Variants in BTBD9 observed in about 807,000 individuals in gnomAD.
BTBD9 encodes the protein BTB/POZ domain-containing protein 9.
In BTBD9, 49 loss-of-function variants were observed where a neutral mutation model predicts 64.3. The ratio of observed to expected loss-of-function variants is 0.76; its 90% CI spans 0.61 to 0.97. The LOEUF is 0.97. Ranked by LOEUF, BTBD9 falls within the 50% of genes least tolerant of loss-of-function variation. The pLI is 0.00. For synonymous variants in BTBD9, 260 were observed against 274.7 expected, an observed-to-expected ratio of 0.95 and a Z score of 0.53; for missense variants, 598 against 762.1, an observed-to-expected ratio of 0.78 and a Z score of 2.53.
chr6:38,563,983 C>T (rs183125204), intron 6 of BTBD9, among the ~76,000 whole-genome samples: 33 of 151,918 alleles, frequency 2.2e-4, no homozygotes, highest in East Asian at 1.2e-3. Context: ...GGGGTTTCAC[C>T]GTGTTAGCCA....
At chr6:38,592,434 GAC>G in intron 4 of BTBD9, 140 bp downstream of exon 4, 1 of 889,636 alleles carries the variant, frequency 1.1e-6, no homozygotes, top group Non-Finnish European at 1.7e-6. Context: ...GAAAGGGAAA[GAC>G]ATTCCATAGG....
At chr6:38,392,118 T>C (rs1766444732) in intron 6 of BTBD9, among the ~76,000 whole-genome samples, 1 of 152,144 alleles carries the variant, frequency 6.6e-6, no homozygotes. Flanking sequence ...TCTGAGTTTC[T>C]GGAGCAAAGT....
chr6:38,444,194 G>A (rs563927439), intron 6 of BTBD9, among the ~76,000 whole-genome samples: 10 of 152,322 alleles, frequency 6.6e-5, no homozygotes, highest in African/African-American at 1.2e-4. Context: ...TTCATTGGAC[G>A]TTTTGTGCTT....
chr6:38,405,196 G>C (rs1338616714), intron 6 of BTBD9, among the ~76,000 whole-genome samples: 2 of 152,168 alleles, frequency 1.3e-5, no homozygotes, highest in Non-Finnish European at 2.9e-5. Context: ...ATCTGAGGAA[G>C]GGCCTGATCC....
At chr6:38,486,744 C>A (rs1292321637) in intron 6 of BTBD9, among the ~76,000 whole-genome samples, 1 of 152,092 alleles carries the variant, frequency 6.6e-6, no homozygotes, top group Non-Finnish European at 1.5e-5. Context: ...TGAGAATTAC[C>A]AAAATGTGAC....
chr6:38,248,983 C>T (rs965150999), intron 9 of BTBD9, among the ~76,000 whole-genome samples: 4 of 151,974 alleles, frequency 2.6e-5, no homozygotes, highest in African/African-American at 7.3e-5. Flanking sequence ...TTGAGACTAC[C>T]GAGGTGAAGA....
intron 4 of BTBD9, among the ~76,000 whole-genome samples, chr6:38,581,515 T>A (rs150007991): frequency 2.0e-5 from 3 of 152,336 alleles, no homozygotes; most frequent in Admixed American, 6.5e-5. Flanking sequence ...ACATTAGATT[T>A]ATTAACCACC....
Position 38,220,754 on chromosome 6 carries a change from A to C in BTBD9, c.1563-28157T>G, listed in dbSNP as rs372942268. Among the ~76,000 whole-genome samples the C allele has an allele frequency of 1.5e-4, 23 of 152,376 alleles. 1 individual carries two copies. Among genetic ancestry groups the C allele is most frequent in the Admixed American group, 9.8e-4 (15 of 15,308 alleles). On this transcript the variant is annotated intron_variant, in intron 9 of 10. Transcript: ENST00000481247. ...ACACTAAAAATGCAGCCGAAAGAATAGCAGTGGTTTAATTATGCGAAGACA... is the reference window on the plus strand; with the variant it reads ...ACACTAAAAATGCAGCCGAAAGAATCGCAGTGGTTTAATTATGCGAAGACA...
chr6:38,457,857 C>T (rs1359009861), intron 6 of BTBD9, among the ~76,000 whole-genome samples: 1 of 152,164 alleles, frequency 6.6e-6, no homozygotes, highest in Non-Finnish European at 1.5e-5. Flanking sequence ...TTCTTCGGAT[C>T]CACAGATCAT....
At chr6:38,463,866 T>C (rs2127356083) in intron 6 of BTBD9, among the ~76,000 whole-genome samples, 1 of 152,152 alleles carries the variant, frequency 6.6e-6, no homozygotes, top group African/African-American at 2.4e-5. Context: ...ATCCCATCTC[T>C]ACAAAAAATA....
intron 6 of BTBD9, chr6:38,402,839 G>C: frequency 1.4e-6 from 1 of 701,240 alleles, no homozygotes; most frequent in Non-Finnish European, 2.6e-6. Flanking sequence ...AGGCCAAGGA[G>C]GGAGGATTGC....
intron 8 of BTBD9, among the ~76,000 whole-genome samples, chr6:38,276,266 G>A (rs1243810247): frequency 1.3e-5 from 2 of 149,960 alleles, no homozygotes; most frequent in African/African-American, 2.4e-5. Flanking sequence ...ACCAAACACC[G>A]CATGTTCTCA....
intron 6 of BTBD9, among the ~76,000 whole-genome samples, chr6:38,487,898 A>G (rs1771529755): frequency 6.6e-6 from 1 of 152,208 alleles, no homozygotes; most frequent in African/African-American, 2.4e-5. Context: ...CAAGGCCTGA[A>G]ATTTTTATTA....
At chr6:38,606,421 A>G (rs546510869) in intron 1 of BTBD9, among the ~76,000 whole-genome samples, 72 of 152,330 alleles carry the variant, frequency 4.7e-4, no homozygotes, top group Admixed American at 2.0e-3. Flanking sequence ...ACACAAGCAA[A>G]TAATAAGAAA....
At chr6:38,598,528 C>A (rs1452944946) in intron 1 of BTBD9, among the ~76,000 whole-genome samples, 3 of 152,148 alleles carry the variant, frequency 2.0e-5, no homozygotes, top group Non-Finnish European at 4.4e-5. Flanking sequence ...CATTCAGGCA[C>A]CGATCTAGGC....
chr6:38,553,181 G>T (rs867567762), intron 6 of BTBD9, among the ~76,000 whole-genome samples: 17 of 151,892 alleles, frequency 1.1e-4, no homozygotes, highest in Admixed American at 7.2e-4. Flanking sequence ...TTTTCAATCT[G>T]CAGTTGGTTC....
chr6:38,548,224 A>G (rs186535558), intron 6 of BTBD9, among the ~76,000 whole-genome samples: 16 of 152,344 alleles, frequency 1.1e-4, no homozygotes, highest in African/African-American at 2.9e-4. Flanking sequence ...GATTACTTCA[A>G]TTTCACTCAT....
chr6:38,549,543 C>T (rs1426156360), intron 6 of BTBD9, among the ~76,000 whole-genome samples: 2 of 150,696 alleles, frequency 1.3e-5, no homozygotes, highest in Non-Finnish European at 3.0e-5. Flanking sequence ...AACTGTCAAA[C>T]GAAAGGAGAA....
chr6:38,323,604 G>A (rs1341729993), intron 7 of BTBD9, among the ~76,000 whole-genome samples: 1 of 152,162 alleles, frequency 6.6e-6, no homozygotes, highest in Admixed American at 6.5e-5. Context: ...GTGGACTACT[G>A]AACTTCTGTT....
Sources: allele counts gnomAD v4.1 joint callset (sites outside exome capture counted in the v4.1 genomes callset), GRCh38; gene constraint gnomAD v4.1.1; transcripts MANE v1.5; gene names NCBI Gene and HGNC (gene_info 2026-07-23, HGNC 2026-07-21).